The following TRAM1 variants were observed in gnomAD, a reference collection of about 807,000 sequenced individuals.
TRAM1 encodes translocating chain-associated membrane protein 1.
In TRAM1, 17 loss-of-function variants were observed where a neutral mutation model predicts 48.7. The observed-to-expected ratio is 0.35, with a 90% CI of 0.24 to 0.52. The LOEUF is 0.52. TRAM1 is among the 20% of genes least tolerant of loss of function. TRAM1 has a pLI of 0.94. For synonymous variants in TRAM1, 182 were observed against 154.0 expected (o/e 1.18, Z -1.34); for missense variants, 351 against 441.5 (o/e 0.79, Z 1.84).
chr8:70,574,271 A>G lies in TRAM1; in HGVS notation c.*661T>C. The G allele has an allele frequency of 2.4e-6, 1 of 408,484 alleles. No individual in the cohort carries two copies. Among genetic ancestry groups the G allele is most frequent in the Non-Finnish European group, 4.7e-6 (1 of 212,164 alleles). 25.3% of individuals were successfully genotyped at this position (408,484 alleles called of 1,614,324 possible). Reference sequence around the variant, plus strand: ...TGCACAAGAAAGATTTTACTTCACAAGTACTTTTAAGAATATACTTTGATT... The same window carrying G: ...TGCACAAGAAAGATTTTACTTCACAGGTACTTTTAAGAATATACTTTGATT... On this transcript the variant is annotated 3_prime_UTR_variant, in exon 11 of 11. Transcript: ENST00000262213.
At position 70,597,866 on chromosome 8, in the gene TRAM1, A is replaced by C. The variant is rs532716443; in HGVS notation, c.426+29T>G. The C allele has an allele frequency of 9.9e-4, 1,473 of 1,481,554 alleles. 35 individuals carry two copies. In the South Asian group the frequency reaches 0.019, roughly 19 times the overall value. 91.8% of individuals were successfully genotyped at this position (1,481,554 alleles called of 1,614,324 possible). A position where few individuals can be genotyped will look rare whatever the true frequency, so the allele number is the denominator to read the frequency against. The stretch of plus-strand genomic sequence containing the variant: ...AGTTTCTAATCTTAGATAAGGAAGG[A>C]GAACAACAACCTAAGAGGACATACT... On this transcript the variant is annotated intron_variant, in intron 4 of 10. Coordinates refer to ENST00000262213, the MANE Select transcript of TRAM1 (RefSeq NM_014294.6).
intron 1 of TRAM1, among the ~76,000 whole-genome samples, chr8:70,606,501 G>A (rs1817722558): frequency 6.6e-6 from 1 of 152,188 alleles, no homozygotes; most frequent in African/African-American, 2.4e-5. Flanking sequence ...ACCAGGCCTA[G>A]CACTGTATTT....
At chr8:70,604,525 A>C (rs115879709) in intron 1 of TRAM1, among the ~76,000 whole-genome samples, 1,782 of 152,306 alleles carry the variant, frequency 0.012, 33 homozygotes, top group African/African-American at 0.039. Flanking sequence ...TCTCAAAAAA[A>C]AGAGAGACCC....
chr8:70,587,566 T>C (rs1817252888), intron 6 of TRAM1: 4 of 166,078 alleles, frequency 2.4e-5, no homozygotes, highest in Non-Finnish European at 5.2e-5. Context: ...AGAGCTAAGA[T>C]CTATGGCTCT....
intron 1 of TRAM1, among the ~76,000 whole-genome samples, chr8:70,600,380 C>G (rs1013742145): frequency 6.6e-6 from 1 of 152,122 alleles, no homozygotes; most frequent in Non-Finnish European, 1.5e-5. Flanking sequence ...ATTCTCTACT[C>G]TAGCCCTATA....
Position 70,592,821 on chromosome 8 carries a change from C to T in TRAM1, c.570+1685G>A, listed in dbSNP as rs866049893. 5.9e-5 allele frequency among the ~76,000 whole-genome samples: 9 copies of T among 152,334 alleles called. 1 individual carries two copies. In the Middle Eastern group the frequency reaches 0.02, roughly 345 times the overall value. On this transcript the variant is annotated intron_variant, in intron 6 of 10. Coordinates refer to ENST00000262213, the MANE Select transcript of TRAM1 (RefSeq NM_014294.6). ...AACTTTCTGCAATCATGGAAATGTTCCATATCTCCTCTGTTCAAAATGGTA... is the reference window on the plus strand; with the variant it reads ...AACTTTCTGCAATCATGGAAATGTTTCATATCTCCTCTGTTCAAAATGGTA...
chr8:70,575,050 T>C, intron 10 of TRAM1, 45 bp from the exon 11 acceptor site: 1 of 1,376,606 alleles, frequency 7.3e-7, no homozygotes, highest in East Asian at 2.3e-5. Context: ...TATAAATAAA[T>C]GCAAGTTATA....
chr8:70,576,156 T>A (rs1395321956), intron 10 of TRAM1, among the ~76,000 whole-genome samples: 1 of 149,492 alleles, frequency 6.7e-6, no homozygotes, highest in Non-Finnish European at 1.5e-5. Flanking sequence ...GTTAAAGCAG[T>A]GTTGAAAGGA....
intron 10 of TRAM1, among the ~76,000 whole-genome samples, chr8:70,576,007 G>C (rs1473712468): frequency 1.3e-5 from 2 of 148,362 alleles, no homozygotes; most frequent in Non-Finnish European, 3.0e-5. Flanking sequence ...GGAGGCAAAG[G>C]TTGCAGTGAG....
intron 1 of TRAM1, among the ~76,000 whole-genome samples, chr8:70,603,951 C>T (rs1817664382): frequency 6.6e-6 from 1 of 152,186 alleles, no homozygotes; most frequent in Admixed American, 6.5e-5. Context: ...TAGCCATTTC[C>T]AGGCCTCCTA....
Position 70,573,566 on chromosome 8 carries a change from T to C in TRAM1, c.*1366A>G, listed in dbSNP as rs994115937. 2 of 152,634 alleles carry C rather than the reference T, an allele frequency of 1.3e-5. No homozygotes were observed. Among genetic ancestry groups the C allele is most frequent in the African/African-American group, 4.8e-5 (2 of 41,430 alleles). The allele number at this position is 152,634 out of a possible 1,614,324, so 9.5% of individuals were successfully genotyped here. A position where few individuals can be genotyped will look rare whatever the true frequency, so the allele number is the denominator to read the frequency against. On this transcript the variant is annotated 3_prime_UTR_variant, in exon 11 of 11. Transcript: ENST00000262213. Reference sequence around the variant, plus strand: ...TAATGCTACAGAGAGCTACTACTTTTTCCAGGAAGTAGGTTAACAGCTAGA... The same window carrying C: ...TAATGCTACAGAGAGCTACTACTTTCTCCAGGAAGTAGGTTAACAGCTAGA...
At chr8:70,590,342 A>G (rs1817325831) in intron 6 of TRAM1, among the ~76,000 whole-genome samples, 1 of 152,208 alleles carries the variant, frequency 6.6e-6, no homozygotes, top group Admixed American at 6.5e-5. Flanking sequence ...ACAAACTATA[A>G]TTCAAAAAGC....
intron 1 of TRAM1, chr8:70,606,967 A>C: frequency 1.0e-6 from 1 of 970,456 alleles, no homozygotes; most frequent in South Asian, 4.7e-5. Context: ...TGTCCCAGGC[A>C]CTATCCTAGA....
intron 6 of TRAM1, among the ~76,000 whole-genome samples, chr8:70,589,636 G>A (rs1157910937): frequency 3.3e-5 from 5 of 152,090 alleles, no homozygotes; most frequent in Non-Finnish European, 5.9e-5. Context: ...CCAGGAGTTC[G>A]AAACCAGCCT....
At chr8:70,590,333 C>G (rs143837987) in intron 6 of TRAM1, among the ~76,000 whole-genome samples, 1 of 152,180 alleles carries the variant, frequency 6.6e-6, no homozygotes, top group East Asian at 1.9e-4. Context: ...AAATTACAAA[C>G]AAACTATAAT....
At position 70,597,955 on chromosome 8, in the gene TRAM1, A is replaced by G; in HGVS notation, c.366T>C (p.Ser122=). 2 of 1,602,124 alleles carry G rather than the reference A, an allele frequency of 1.2e-6. No individual in the cohort carries two copies. Among genetic ancestry groups the G allele is most frequent in the Non-Finnish European group, 1.7e-6 (2 of 1,173,002 alleles). ...SKTKHSKFNE[S]GQLSAFYLFA... is the part of the protein sequence containing the mutation. ...AAAGGTAGAACGCACTAAGCTGACC[A>G]GATTCATTAAACTTGCTGTGTTTTG... Residue 122 remains serine, a synonymous_variant, in exon 4 of 11, where the codon TCT becomes TCC. Coordinates refer to ENST00000262213, the MANE Select transcript of TRAM1 (RefSeq NM_014294.6).
intron 1 of TRAM1, among the ~76,000 whole-genome samples, chr8:70,605,308 A>T (rs1220165390): frequency 6.6e-6 from 1 of 152,232 alleles, no homozygotes; most frequent in African/African-American, 2.4e-5. Flanking sequence ...AGATGAGGAA[A>T]CTTCAGTTCT....
rs1816881273 is a variant in TRAM1 at position 70,573,959 on chromosome 8, C to G, written c.*973G>C. 1 of 192,560 alleles carries G rather than the reference C, an allele frequency of 5.2e-6. No individual in the cohort carries two copies. Among genetic ancestry groups the G allele is most frequent in the Non-Finnish European group, 1.1e-5 (1 of 93,394 alleles). The allele number at this position is 192,560 out of a possible 1,614,324, so 11.9% of individuals were successfully genotyped here. On this transcript the variant is annotated 3_prime_UTR_variant, in exon 11 of 11. Coordinates refer to ENST00000262213, the MANE Select transcript of TRAM1 (RefSeq NM_014294.6). ...ATAGGTATAACATAAAGCACATTGT[C>G]TTTTGTAAGACTATTTATCCACCTG...
intron 1 of TRAM1, among the ~76,000 whole-genome samples, chr8:70,605,759 C>T (rs1817706441): frequency 6.6e-6 from 1 of 152,152 alleles, no homozygotes; most frequent in Non-Finnish European, 1.5e-5. Flanking sequence ...ATCACTTTAA[C>T]ACTCACTTTT....
Sources: allele counts gnomAD v4.1 joint callset (sites outside exome capture counted in the v4.1 genomes callset), GRCh38; gene constraint gnomAD v4.1.1; transcripts MANE v1.5; gene names NCBI Gene and HGNC (gene_info 2026-07-23, HGNC 2026-07-21).